The following ORMDL3 variants were observed in gnomAD, a reference collection of about 807,000 sequenced individuals.
ORMDL3 encodes ORM1-like protein 3.
In ORMDL3, 6 loss-of-function variants were observed where a neutral mutation model predicts 12.6. The observed-to-expected ratio is 0.48, with a 90% CI of 0.26 to 0.94. ORMDL3 has a LOEUF of 0.94. Ranked by LOEUF, ORMDL3 falls within the 40% of genes least tolerant of loss-of-function variation. The probability of loss-of-function intolerance (pLI) is 0.14; values close to 1 mark genes in which losing one functional copy is unlikely to be tolerated. For synonymous variants in ORMDL3, 99 were observed against 87.2 expected (o/e 1.14, Z -0.75); for missense variants, 159 against 205.5 (o/e 0.77, Z 1.38).
At chr17:39,926,413 TATG>T (rs1332350389) in intron 1 of ORMDL3, 1 of 152,284 alleles carries the variant, frequency 6.6e-6, no homozygotes, top group Non-Finnish European at 1.5e-5. Context: ...TTCGTGTGAC[TATG>T]GATACATATC....
rs1978301950 is a variant in ORMDL3 at position 39,922,381 on chromosome 17, C to T, written c.*169G>A. 5 of 807,576 alleles carry T rather than the reference C, an allele frequency of 6.2e-6. No individual in the cohort carries two copies. The Admixed American group carries it at 9.9e-5, about 16-fold the overall frequency. The allele number at this position is 807,576 out of a possible 1,614,324, so 50.0% of individuals were successfully genotyped here. On this transcript the variant is annotated 3_prime_UTR_variant, in exon 4 of 4. Transcript: ENST00000304046. ...GGGCCTACCCCAACCCCACTACAAGCTACTCCAAGTTGGCTACTGGGGGAA... is the reference window on the plus strand; with the variant it reads ...GGGCCTACCCCAACCCCACTACAAGTTACTCCAAGTTGGCTACTGGGGGAA...
In ORMDL3 at chr17:39,924,165, G is replaced by A. The variant is rs143860006; in HGVS notation, c.39C>T (p.Asn13=). Residue 13 remains asparagine, a synonymous_variant, in exon 2 of 4, where the codon AAC becomes AAT. Coordinates refer to ENST00000304046, the MANE Select transcript of ORMDL3 (RefSeq NM_139280.4). ...TGCCACGGCTGTTCATCACCCGCGTGTTGGGGTTCACCTCGCTGTGCGCTG... is the reference window on the plus strand; with the variant it reads ...TGCCACGGCTGTTCATCACCCGCGTATTGGGGTTCACCTCGCTGTGCGCTG... ...VGTAHSEVNP[N]TRVMNSRGIW... is the part of the protein sequence containing the mutation. 9.9e-6 allele frequency: 16 copies of A among 1,613,424 alleles called. No homozygotes were observed. Among genetic ancestry groups the A allele is most frequent in the African/African-American group, 1.3e-5 (1 of 74,920 alleles).
intron 1 of ORMDL3, 80 bp from the exon 2 acceptor site, chr17:39,924,305 G>C: frequency 7.2e-7 from 1 of 1,382,892 alleles, no homozygotes; most frequent in Non-Finnish European, 9.7e-7. Context: ...CTGGGAGGCA[G>C]GCCCTTGTTT....
intron 2 of ORMDL3, 97 bp downstream of exon 2, chr17:39,923,933 G>A (rs1978319063): frequency 1.5e-6 from 2 of 1,293,942 alleles, no homozygotes; most frequent in Non-Finnish European, 2.1e-6. Context: ...TGACACCTGG[G>A]CCAGGCCCGA....
In ORMDL3 at chr17:39,923,229, G is replaced by A. The variant is rs369801983; in HGVS notation, c.209C>T (p.Thr70Ile). ...GCCCTGGTCCGGGGTCTCAAAGGGT[G>A]TCCCCTTCACCGTGTGCAGGAAGAT... Reference protein sequence around the residue: ...MYIFLHTVKGTPFETPDQGKA... With the variant: ...MYIFLHTVKGIPFETPDQGKA... The change falls in exon 3 of 4, where the codon ACA becomes ATA. Residue 70 changes from threonine (T) to isoleucine (I), a missense_variant. Thr to Ile is a moderately conservative substitution (Grantham distance 89, BLOSUM62 -1). Coordinates refer to ENST00000304046, the MANE Select transcript of ORMDL3 (RefSeq NM_139280.4). 1.7e-5 allele frequency: 28 copies of A among 1,614,172 alleles called. No individual in the cohort carries two copies. The highest frequency in any genetic ancestry group is 2.2e-5 in the South Asian group (2 of 91,082).
Position 39,921,608 on chromosome 17 carries a change from A to C in ORMDL3, c.*942T>G, listed in dbSNP as rs1375507866. 1 of 152,458 alleles carries C rather than the reference A, an allele frequency of 6.6e-6. No homozygotes were observed. The highest frequency in any genetic ancestry group is 2.4e-5 in the African/African-American group (1 of 41,400). The allele number at this position is 152,458 out of a possible 1,614,324, so 9.4% of individuals were successfully genotyped here. ...AGGGCCAAGTTGGACCTGTGCTTAC[A>C]ATGACTCACGGGCCTTTTCCCCACC... On this transcript the variant is annotated 3_prime_UTR_variant, in exon 4 of 4. Transcript: ENST00000304046.
chr17:39,927,362 T>C, intron 1 of ORMDL3, 122 bp downstream of exon 1: 1 of 656,084 alleles, frequency 1.5e-6, no homozygotes. Context: ...GCTGATGCAC[T>C]CCCTCCACCC....
At position 39,922,106 on chromosome 17, in the gene ORMDL3, A is replaced by T. The variant is rs540581415; in HGVS notation, c.*444T>A. 1 of 155,446 alleles carries T rather than the reference A, an allele frequency of 6.4e-6. No homozygotes were observed. Among genetic ancestry groups the T allele is most frequent in the Admixed American group, 6.4e-5 (1 of 15,528 alleles). The allele number at this position is 155,446 out of a possible 1,614,324, so 9.6% of individuals were successfully genotyped here. On this transcript the variant is annotated 3_prime_UTR_variant, in exon 4 of 4. Transcript: ENST00000304046. The stretch of plus-strand genomic sequence containing the variant: ...AAAAGCACACACTGCGTGGCATCGA[A>T]AAAACCTAGGAATCACAGTGAAACA...
chr17:39,923,141 C>G lies in ORMDL3; in HGVS notation c.297G>C (p.Arg99=), dbSNP rs746961718. ...CGATGGGTGTGATGGTCAAGAACTTCCGAGAGGCCGTGAACTGGACCCCAT... is the reference window on the plus strand; with the variant it reads ...CGATGGGTGTGATGGTCAAGAACTTGCGAGAGGCCGTGAACTGGACCCCAT... ...MDYGVQFTAS[R]KFLTITPIVL... is the part of the protein sequence containing the mutation. The change falls in exon 3 of 4, where the codon CGG becomes CGC. Residue 99 remains arginine, a synonymous_variant. Coordinates refer to ENST00000304046, the MANE Select transcript of ORMDL3 (RefSeq NM_139280.4). 1 of 1,614,254 alleles carries G rather than the reference C, an allele frequency of 6.2e-7. No homozygotes were observed. Among genetic ancestry groups the G allele is most frequent in the Non-Finnish European group, 8.5e-7 (1 of 1,180,038 alleles).
At chr17:39,923,362 G>A in intron 2 of ORMDL3, 99 bp from the exon 3 acceptor site, 2 of 1,381,530 alleles carry the variant, frequency 1.4e-6, no homozygotes, top group Non-Finnish European at 1.0e-6. Flanking sequence ...CAGTGATCTG[G>A]AGCCTCCCTC....
chr17:39,926,871 A>G lies in ORMDL3; in HGVS notation c.-23+613T>C, dbSNP rs1010914455. ...CATCCAGGCCTGGATGGGGACCCCA[A>G]CGGGGAGTCCGGGGCAGCACGTCAC... On this transcript the variant is annotated intron_variant, in intron 1 of 3. Transcript: ENST00000304046. 12 of 985,944 alleles carry G rather than the reference A, an allele frequency of 1.2e-5. No individual in the cohort carries two copies. In the East Asian group the frequency reaches 5.7e-4, roughly 47 times the overall value. The allele number at this position is 985,944 out of a possible 1,614,324, so 61.1% of individuals were successfully genotyped here. A position where few individuals can be genotyped will look rare whatever the true frequency, so the allele number is the denominator to read the frequency against.
Position 39,923,094 on chromosome 17 carries a change from T to C in ORMDL3, c.326+18A>G. ...CTTGCCCTGCCTGCTGGTGTCTTCC[T>C]GTAGCCCAGGCACTCACAGCACGAT... On this transcript the variant is annotated intron_variant, in intron 3 of 3. Transcript: ENST00000304046. The C allele has an allele frequency of 6.2e-7, 1 of 1,613,996 alleles. No individual in the cohort carries two copies. The highest frequency in any genetic ancestry group is 1.1e-5 in the South Asian group (1 of 91,076).
chr17:39,921,752 A>C lies in ORMDL3; in HGVS notation c.*798T>G, dbSNP rs537545564. 1 of 152,314 alleles carries C rather than the reference A, an allele frequency of 6.6e-6. No homozygotes were observed. Among genetic ancestry groups the C allele is most frequent in the Admixed American group, 6.6e-5 (1 of 15,258 alleles). The allele number at this position is 152,314 out of a possible 1,614,324, so 9.4% of individuals were successfully genotyped here. On this transcript the variant is annotated 3_prime_UTR_variant, in exon 4 of 4. Coordinates refer to ENST00000304046, the MANE Select transcript of ORMDL3 (RefSeq NM_139280.4). The stretch of plus-strand genomic sequence containing the variant: ...TGCTTCCCTCCCTGCCCACATCCCA[A>C]AGGAGATTGGGTCTAGCTTCTGTCC...
intron 1 of ORMDL3, among the ~76,000 whole-genome samples, chr17:39,924,962 A>AGGCC (rs1946533609): frequency 6.6e-6 from 1 of 152,142 alleles, no homozygotes; most frequent in African/African-American, 2.4e-5. Flanking sequence ...GCAGCCACTC[A>AGGCC]GGCCAACCCT....
chr17:39,921,185 G>C lies in ORMDL3; in HGVS notation c.*1365C>G, dbSNP rs1391887712. 1 of 152,800 alleles carries C rather than the reference G, an allele frequency of 6.5e-6. No homozygotes were observed. The highest frequency in any genetic ancestry group is 1.5e-5 in the Non-Finnish European group (1 of 68,090). The allele number at this position is 152,800 out of a possible 1,614,324, so 9.5% of individuals were successfully genotyped here. Reference sequence around the variant, plus strand: ...GGGTGGGAGATGCAGGGTCAGGAGGGAGAAAACAGGCCCAGTGACCTCTCC... The same window carrying C: ...GGGTGGGAGATGCAGGGTCAGGAGGCAGAAAACAGGCCCAGTGACCTCTCC... On this transcript the variant is annotated 3_prime_UTR_variant, in exon 4 of 4. Transcript: ENST00000304046.
rs1040986542 is a variant in ORMDL3, at chr17:39,923,033, T to C, written c.326+79A>G. The C allele has an allele frequency of 7.7e-6, 12 of 1,558,296 alleles. No individual in the cohort carries two copies. The African/African-American group carries it at 1.5e-4, about 19-fold the overall frequency. On this transcript the variant is annotated intron_variant, in intron 3 of 3. Coordinates refer to ENST00000304046, the MANE Select transcript of ORMDL3 (RefSeq NM_139280.4). ...CCCTACACCAGGAGCCACGGCAGGG[T>C]TAATAAGCATGGCTGGGCCCTGGGG...
chr17:39,927,279 C>A, intron 1 of ORMDL3: 1 of 205,614 alleles, frequency 4.9e-6, no homozygotes, highest in Non-Finnish European at 8.6e-6. Context: ...AGGCGCTCCT[C>A]CCGACGTTCC....
chr17:39,925,975 G>A (rs1387635718), intron 1 of ORMDL3: 1 of 152,230 alleles, frequency 6.6e-6, no homozygotes, highest in Non-Finnish European at 1.5e-5. Context: ...CACCTGAGAG[G>A]GGAGGGCGGC....
rs568441883 is a variant in ORMDL3 at position 39,923,252 on chromosome 17, G to T, written c.186C>A (p.Ile62=). ...GTGTCCCCTTCACCGTGTGCAGGAA[G>T]ATATACATGCCCTGGAGGAAGAAGT... ...TNLIHNMGMY[I]FLHTVKGTPF... is the part of the protein sequence containing the mutation. Residue 62 remains isoleucine (I), a synonymous_variant, in exon 3 of 4, where the codon ATC becomes ATA. Transcript: ENST00000304046. The T allele has an allele frequency of 1.9e-6, 3 of 1,614,198 alleles. No homozygotes were observed. The African/African-American group carries it at 4.0e-5, about 22-fold the overall frequency.
Sources: allele counts gnomAD v4.1 joint callset (sites outside exome capture counted in the v4.1 genomes callset), GRCh38; gene constraint gnomAD v4.1.1; transcripts MANE v1.5; gene names NCBI Gene and HGNC (gene_info 2026-07-23, HGNC 2026-07-21).